Variants in IGF1R observed in about 807,000 individuals in gnomAD.
The protein encoded by IGF1R is insulin-like growth factor 1 receptor.
A neutral mutation model predicts 144.6 loss-of-function variants in IGF1R; 44 were observed. The ratio of observed to expected loss-of-function variants is 0.30; its 90% confidence interval spans 0.24 to 0.39. The LOEUF is 0.39. Ranked by LOEUF, IGF1R falls within the 10% of genes least tolerant of loss-of-function variation. The probability of loss-of-function intolerance (pLI) is 1.00; values close to 1 mark genes in which losing one functional copy is unlikely to be tolerated. For synonymous variants in IGF1R, 795 were observed against 722.8 expected (o/e 1.10, Z -1.60); for missense variants, 1,355 against 1,833.7 (o/e 0.74, Z 4.77).
At chr15:98,692,262 C>G (rs2053495004) in intron 1 of IGF1R, among the ~76,000 whole-genome samples, 1 of 152,158 alleles carries the variant, frequency 6.6e-6, no homozygotes, top group African/African-American at 2.4e-5. Context: ...CACTTGAGCC[C>G]AGGAAGTTGA....
At position 98,677,439 on chromosome 15, in the gene IGF1R, C is replaced by T. The variant is rs368553258; in HGVS notation, c.94+27764C>T. Among the ~76,000 whole-genome samples the T allele has an allele frequency of 9.3e-4, 142 of 152,240 alleles. 1 individual carries two copies. The highest frequency in any genetic ancestry group is 3.2e-3 in the African/African-American group (132 of 41,544). Reference sequence around the variant, plus strand: ...GTCTCCATTTTTCTGGTACATAATACGTCTTTACTTACCATCAGTTGTGTG... The same window carrying T: ...GTCTCCATTTTTCTGGTACATAATATGTCTTTACTTACCATCAGTTGTGTG... On this transcript the variant is annotated intron_variant, in intron 1 of 20. Coordinates refer to ENST00000650285, the MANE Select transcript of IGF1R (RefSeq NM_000875.5).
At chr15:98,655,320 G>A (rs916794389) in intron 1 of IGF1R, among the ~76,000 whole-genome samples, 1 of 152,050 alleles carries the variant, frequency 6.6e-6, no homozygotes, top group Non-Finnish European at 1.5e-5. Flanking sequence ...GAGACTTTTG[G>A]ACTTTTGAAG....
intron 2 of IGF1R, among the ~76,000 whole-genome samples, chr15:98,737,880 G>T (rs141665013): frequency 4.3e-4 from 66 of 152,170 alleles, no homozygotes; most frequent in Non-Finnish European, 7.8e-4. Flanking sequence ...TGTGCCCTTC[G>T]TGCTGCACTG....
At chr15:98,860,008 C>T (rs576185300) in intron 2 of IGF1R, among the ~76,000 whole-genome samples, 17 of 152,248 alleles carry the variant, frequency 1.1e-4, no homozygotes, top group Admixed American at 8.5e-4. Flanking sequence ...CTTCACCTCC[C>T]GGGTTCAAGC....
intron 2 of IGF1R, among the ~76,000 whole-genome samples, chr15:98,786,304 A>T (rs553518345): frequency 1.6e-4 from 25 of 152,338 alleles, no homozygotes; most frequent in African/African-American, 5.8e-4. Context: ...GGCTCATCTA[A>T]TGCAGAGTCA....
At chr15:98,733,364 G>C (rs575509545) in intron 2 of IGF1R, among the ~76,000 whole-genome samples, 89 of 152,038 alleles carry the variant, frequency 5.9e-4, no homozygotes, top group Non-Finnish European at 1.0e-3. Flanking sequence ...GGGACTATAG[G>C]TGCATACCCC....
intron 10 of IGF1R, among the ~76,000 whole-genome samples, chr15:98,919,781 T>C (rs911298640): frequency 6.6e-6 from 1 of 152,264 alleles, no homozygotes; most frequent in Non-Finnish European, 1.5e-5. Flanking sequence ...TACTGAGTTC[T>C]GGCAGAGTCC....
chr15:98,781,082 G>T (rs1049522874), intron 2 of IGF1R, among the ~76,000 whole-genome samples: 1 of 152,156 alleles, frequency 6.6e-6, no homozygotes, highest in Non-Finnish European at 1.5e-5. Flanking sequence ...CATTTGTGCC[G>T]CTGTACTCCA....
chr15:98,850,713 CACTG>C (rs1289192306), intron 2 of IGF1R, among the ~76,000 whole-genome samples: 1 of 151,942 alleles, frequency 6.6e-6, no homozygotes, highest in Non-Finnish European at 1.5e-5. Flanking sequence ...TACAGGGAAT[CACTG>C]AGTGATGGAC....
At chr15:98,780,420 A>C (rs2055828932) in intron 2 of IGF1R, among the ~76,000 whole-genome samples, 1 of 151,838 alleles carries the variant, frequency 6.6e-6, no homozygotes, top group Non-Finnish European at 1.5e-5. Flanking sequence ...GTGGTGGCGC[A>C]TGCCTGTAAT....
chr15:98,896,904 G>C lies in IGF1R; in HGVS notation c.1101G>C (p.Gly367=), dbSNP rs1473115620. Residue 367 remains glycine, a splice_region_variant and synonymous_variant, in exon 4 of 21, where the codon GGG becomes GGC. Coordinates refer to ENST00000650285, the MANE Select transcript of IGF1R (RefSeq NM_000875.5). ...KGNLLINIRR[G]NNIASELENF... ...ATTTGCTCATTAACATCCGACGGGG[G>C]AGTAAGTATTCCATCCCCCTGGAAA... 1.9e-6 allele frequency: 3 copies of C among 1,613,940 alleles called. No individual in the cohort carries two copies. The highest frequency in any genetic ancestry group is 4.5e-5 in the East Asian group (2 of 44,870).
rs992771861 is a variant in IGF1R, at chr15:98,963,277, T to C, written c.*5835T>C. 13 of 233,354 alleles carry C rather than the reference T, an allele frequency of 5.6e-5. No homozygotes were observed. The highest frequency in any genetic ancestry group is 1.0e-4 in the Non-Finnish European group (12 of 117,992). The allele number at this position is 233,354 out of a possible 1,614,324, so 14.5% of individuals were successfully genotyped here. On this transcript the variant is annotated 3_prime_UTR_variant, in exon 21 of 21. Transcript: ENST00000650285. ...AGCTTTACAATATGCCAAAAAAGGA[T>C]TTCTCCCTGACCCCATCCGTGGTTC...
intron 2 of IGF1R, among the ~76,000 whole-genome samples, chr15:98,741,691 TAGAGAGTCTTGC>T (rs1215561861): frequency 6.6e-6 from 1 of 152,222 alleles, no homozygotes; most frequent in African/African-American, 2.4e-5. Context: ...TTTTGCAAAC[TAGAGAGTCTTGC>T]AGAGAGTTGT....
chr15:98,900,817 T>G (rs183409802), intron 5 of IGF1R: 1 of 152,294 alleles, frequency 6.6e-6, no homozygotes, highest in African/African-American at 2.4e-5. Flanking sequence ...TCTCCGCTTT[T>G]TTTTTTTCTA....
In IGF1R at chr15:98,935,212, GT is replaced by G. The variant is rs918570316; in HGVS notation, c.3187-103del. ...ACCTCACTGCTACCTTCAGACCCCT[GT>G]GCTCAGACCAGGCCGCAGCACCACA... is the stretch of plus-strand genomic sequence containing the variant. On this transcript the variant is annotated intron_variant, in intron 16 of 20. Transcript: ENST00000650285. The surrounding 1 kb of genome is among the most constrained non-coding windows in gnomAD (Gnocchi z 4.2). 8.1e-6 allele frequency: 8 copies of G among 988,048 alleles called. No homozygotes were observed. The Admixed American group carries it at 1.6e-4, about 20-fold the overall frequency. 61.2% of individuals were successfully genotyped at this position (988,048 alleles called of 1,614,324 possible).
intron 2 of IGF1R, among the ~76,000 whole-genome samples, chr15:98,792,550 G>A (rs1018276): frequency 0.85 from 128,972 of 152,246 alleles, 57,072 homozygotes; most frequent in Non-Finnish European, 0.97. Flanking sequence ...ATAAATTATG[G>A]TAGGTGGTTG....
chr15:98,760,801 A>G (rs1266264960), intron 2 of IGF1R, among the ~76,000 whole-genome samples: 1 of 152,236 alleles, frequency 6.6e-6, no homozygotes, highest in Non-Finnish European at 1.5e-5. Context: ...GGAGAGTATT[A>G]TGTAAGAAGG....
chr15:98,846,285 C>T (rs2141544974), intron 2 of IGF1R, among the ~76,000 whole-genome samples: 1 of 152,330 alleles, frequency 6.6e-6, no homozygotes, highest in Non-Finnish European at 1.5e-5. Context: ...CTCCGTGCCT[C>T]TGTGCTTCTG....
In IGF1R at chr15:98,960,525, C is replaced by G; in HGVS notation, c.*3083C>G. 1 of 233,392 alleles carries G rather than the reference C, an allele frequency of 4.3e-6. No homozygotes were observed. Among genetic ancestry groups the G allele is most frequent in the Non-Finnish European group, 8.5e-6 (1 of 118,130 alleles). 14.5% of individuals were successfully genotyped at this position (233,392 alleles called of 1,614,324 possible). Reference sequence around the variant, plus strand: ...TCAGGTTCTGAGGAGAGGAAGGTGTCCAGGCAGCACCATCTCTGTGCGAAT... The same window carrying G: ...TCAGGTTCTGAGGAGAGGAAGGTGTGCAGGCAGCACCATCTCTGTGCGAAT... On this transcript the variant is annotated 3_prime_UTR_variant, in exon 21 of 21. Coordinates refer to ENST00000650285, the MANE Select transcript of IGF1R (RefSeq NM_000875.5).
Sources: allele counts gnomAD v4.1 joint callset (sites outside exome capture counted in the v4.1 genomes callset), GRCh38; gene constraint gnomAD v4.1.1; non-coding constraint Gnocchi (gnomAD v3.1); transcripts MANE v1.5; gene names NCBI Gene and HGNC (gene_info 2026-07-23, HGNC 2026-07-21).